Variants in FCGR2B observed in about 807,000 individuals in gnomAD.
FCGR2B encodes Fc gamma receptor IIb, also known as low affinity immunoglobulin gamma Fc region receptor II-b.
FCGR2B carries 18 observed loss-of-function variants against 24.8 expected under a neutral mutation model. That is an observed-to-expected ratio of 0.73 (90% confidence interval 0.50 to 1.08). The LOEUF is 1.08. Among genes scored for constraint, FCGR2B ranks in the 50% least tolerant of loss-of-function variants. FCGR2B has a pLI of 0.00. For missense variants in FCGR2B, 215 were observed against 297.6 expected, an observed-to-expected ratio of 0.72 and a Z score of 2.04; for synonymous variants, 79 against 109.8, an observed-to-expected ratio of 0.72 and a Z score of 1.75.
At chr1:161,652,441 A>G in the FCGR2B span, among the ~76,000 whole-genome samples, 3 of 133,568 alleles carry the variant, frequency 2.2e-5, no homozygotes, top group East Asian at 6.1e-4. Flanking sequence ...ATTTGCTAAC[A>G]TTTCCATTTG....
the FCGR2B span, among the ~76,000 whole-genome samples, chr1:161,647,295 C>CT: frequency 7.6e-6 from 1 of 131,560 alleles, no homozygotes; most frequent in African/African-American, 3.0e-5. Flanking sequence ...TTGCTCTGGA[C>CT]TCTTTTTTTT....
intron 5 of FCGR2B, chr1:161,674,375 G>C: frequency 5.7e-6 from 2 of 350,424 alleles, no homozygotes; most frequent in South Asian, 4.5e-5. Flanking sequence ...TGGGATAAGA[G>C]CAATGATAGG....
chr1:161,675,126 G>T (rs972390157), intron 5 of FCGR2B, 131 bp from the exon 6 acceptor site: 75 of 632,520 alleles, frequency 1.2e-4, no homozygotes, highest in Non-Finnish European at 1.9e-4. Flanking sequence ...GGAGCTGGGG[G>T]TGGGAGGACA....
intron 4 of FCGR2B, chr1:161,673,546 G>A (rs1160090350): frequency 2.8e-6 from 2 of 723,930 alleles, no homozygotes; most frequent in African/African-American, 1.7e-5. Context: ...CCTAAGAACT[G>A]AGGTTTGCCT....
the FCGR2B span, among the ~76,000 whole-genome samples, chr1:161,653,129 C>T: frequency 7.5e-6 from 1 of 134,104 alleles, no homozygotes; most frequent in East Asian, 2.0e-4. Flanking sequence ...TCTGGCTGGG[C>T]GTGGTGGCTC....
At chr1:161,651,920 C>T in the FCGR2B span, among the ~76,000 whole-genome samples, 239 of 99,994 alleles carry the variant, frequency 2.4e-3, 30 homozygotes, top group African/African-American at 6.4e-3. Flanking sequence ...GCAACAAGAG[C>T]GAAACTCCAT....
chr1:161,671,547 C>T lies in FCGR2B; in HGVS notation c.289C>T (p.Pro97Ser), dbSNP rs1681661821. Residue 97 changes from proline (P) to serine (S), a missense_variant, in exon 3 of 8, where the codon CCC becomes TCC. This residue lies in a region of FCGR2B where 77 missense variants were observed against 68.8 expected (regional missense o/e 1.12). Transcript: ENST00000358671. ...NGNLIPTHTQ[P>S]SYRFKANNND... ...GAATCTCATTCCCACCCACACGCAG[C>T]CCAGCTACAGGTTCAAGGCCAACAA... 26 of 1,614,202 alleles carry T rather than the reference C, an allele frequency of 1.6e-5. No homozygotes were observed. The highest frequency in any genetic ancestry group is 2.0e-5 in the Non-Finnish European group (24 of 1,180,048).
rs1017903926 is a variant in FCGR2B, at chr1:161,677,064, C to T, written c.818-264C>T. On this transcript the variant is annotated intron_variant, in intron 6 of 7. Coordinates refer to ENST00000358671, the MANE Select transcript of FCGR2B (RefSeq NM_001394477.1). ...CCTCCCTGGTTTGCTTCTAGGAAAG[C>T]TCAGCAATTCCCTGAAAAGAATGCA... 1.2e-5 allele frequency: 6 copies of T among 507,494 alleles called. No individual in the cohort carries two copies. In the African/African-American group the frequency reaches 1.2e-4, roughly 10 times the overall value. The allele number at this position is 507,494 out of a possible 1,614,324, so 31.4% of individuals were successfully genotyped here. A position where few individuals can be genotyped will look rare whatever the true frequency, so the allele number is the denominator to read the frequency against.
chr1:161,649,076 T>C, the FCGR2B span, among the ~76,000 whole-genome samples: 2 of 150,852 alleles, frequency 1.3e-5, no homozygotes, highest in Non-Finnish European at 2.9e-5. Flanking sequence ...CAGAAAACCT[T>C]TTAGACATTA....
At chr1:161,672,903 A>G (rs1430729787) in intron 3 of FCGR2B, 72 bp from the exon 4 acceptor site, 4 of 1,594,506 alleles carry the variant, frequency 2.5e-6, no homozygotes, top group Non-Finnish European at 3.4e-6. Flanking sequence ...GTGTCCCACC[A>G]GTAAGGAAGA....
Position 161,671,804 on chromosome 1 carries a change from G to C in FCGR2B, c.391+155G>C, listed in dbSNP as rs1473344944. 4 of 1,424,178 alleles carry C rather than the reference G, an allele frequency of 2.8e-6. No homozygotes were observed. The African/African-American group carries it at 4.3e-5, about 15-fold the overall frequency. The allele number at this position is 1,424,178 out of a possible 1,614,324, so 88.2% of individuals were successfully genotyped here. On this transcript the variant is annotated intron_variant, in intron 3 of 7. Coordinates refer to ENST00000358671, the MANE Select transcript of FCGR2B (RefSeq NM_001394477.1). ...CATATCAGTGGTTGTTTTTGCCTCA[G>C]TTCTGATTGAACAGAAGAAGGTTTC...
rs1034501557 is a variant in FCGR2B, at chr1:161,678,441, G to A, written c.*888G>A. On this transcript the variant is annotated 3_prime_UTR_variant, in exon 8 of 8. Transcript: ENST00000358671. ...GTAGCCTAGGGGCAATAGGCTATAC[G>A]CTACAGCCTAGGTGTGTAGTAGGCC... 2.3e-5 allele frequency: 5 copies of A among 217,682 alleles called. No homozygotes were observed. Among genetic ancestry groups the A allele is most frequent in the Admixed American group, 1.2e-4 (2 of 17,242 alleles). 13.5% of individuals were successfully genotyped at this position (217,682 alleles called of 1,614,324 possible). A position where few individuals can be genotyped will look rare whatever the true frequency, so the allele number is the denominator to read the frequency against.
At chr1:161,675,053 T>C in intron 5 of FCGR2B, 1 of 534,386 alleles carries the variant, frequency 1.9e-6, no homozygotes, top group Non-Finnish European at 3.4e-6. Context: ...GGCATCCCCA[T>C]GGGTGAGCTG....
chr1:161,650,620 C>T, the FCGR2B span, among the ~76,000 whole-genome samples: 3 of 143,794 alleles, frequency 2.1e-5, no homozygotes, highest in African/African-American at 7.9e-5. Context: ...TGGCAAATGT[C>T]CCCTGGGAGC....
rs1367112514 is a variant in FCGR2B, at chr1:161,673,947, C to T, written c.647-13C>T. On this transcript the variant is annotated splice_polypyrimidine_tract_variant and intron_variant, in intron 4 of 7. Transcript: ENST00000358671. ...AGGAGAGTACTGCCTGTCCTGATGTCTGTCTTCCCTAGCTCCCAGCTCTTC... is the reference window on the plus strand; with the variant it reads ...AGGAGAGTACTGCCTGTCCTGATGTTTGTCTTCCCTAGCTCCCAGCTCTTC... 4.2e-6 allele frequency: 2 copies of T among 476,106 alleles called. No homozygotes were observed. Among genetic ancestry groups the T allele is most frequent in the East Asian group, 6.9e-5 (2 of 28,990 alleles). 29.5% of individuals were successfully genotyped at this position (476,106 alleles called of 1,614,324 possible).
At chr1:161,675,007 GACAGA>G in intron 5 of FCGR2B, 1 of 488,064 alleles carries the variant, frequency 2.0e-6, no homozygotes, top group Non-Finnish European at 3.7e-6. Context: ...GCAAGCCTCA[GACAGA>G]TGCCATGGCG....
Position 161,671,447 on chromosome 1 carries a change from G to A in FCGR2B, c.189G>A (p.Gln63=), listed in dbSNP as rs5017568. ...KLEPQWINVL[Q]EDSVTLTCRG... ...AGCCCCAGTGGATCAACGTGCTCCA[G>A]GAGGACTCTGTGACTCTGACATGCC... The change falls in exon 3 of 8, where the codon CAG becomes CAA. Residue 63 remains glutamine, a synonymous_variant. Coordinates refer to ENST00000358671, the MANE Select transcript of FCGR2B (RefSeq NM_001394477.1). 6.2e-3 allele frequency: 9,902 copies of A among 1,603,124 alleles called. 4 individuals are homozygous for A. The highest frequency in any genetic ancestry group is 0.013 in the Middle Eastern group (78 of 5,996).
chr1:161,654,158 A>G, the FCGR2B span, among the ~76,000 whole-genome samples: 1 of 135,906 alleles, frequency 7.4e-6, no homozygotes, highest in Non-Finnish European at 1.7e-5. Flanking sequence ...GTTCTTATTG[A>G]TTTTTTCAGG....
intron 6 of FCGR2B, 90 bp from the exon 7 acceptor site, chr1:161,677,238 T>G: frequency 7.8e-7 from 1 of 1,275,390 alleles, no homozygotes; most frequent in South Asian, 1.2e-5. Context: ...TGGCTCTAGT[T>G]TGGGCGTTGG....
Sources: gnomAD v4.1 joint callset for allele counts (sites outside exome capture counted in the v4.1 genomes callset) on GRCh38, gnomAD v4.1.1 for gene constraint, gnomAD v4.1.1 regional missense constraint, MANE v1.5 for transcripts, NCBI Gene and HGNC (gene_info 2026-07-23, HGNC 2026-07-21) for gene names.